Variants in KIAA1328 observed in about 807,000 individuals in gnomAD.
The protein encoded by KIAA1328 is protein hinderin.
Under a neutral mutation model 68.1 loss-of-function variants are expected in KIAA1328, and 52 were observed. The ratio of observed to expected loss-of-function variants is 0.76; its 90% CI spans 0.61 to 0.96. The LOEUF (loss-of-function observed/expected upper bound fraction) is 0.96, where lower values mean the gene tolerates loss of function less well. Ranked by LOEUF, KIAA1328 falls within the 40% of genes least tolerant of loss-of-function variation. The pLI, the probability that KIAA1328 is intolerant of heterozygous loss-of-function variation, is 0.00. For missense variants in KIAA1328, 641 were observed against 677.6 expected, an observed-to-expected ratio of 0.95 and a Z score of 0.60; for synonymous variants, 232 against 239.4, an observed-to-expected ratio of 0.97 and a Z score of 0.28.
chr18:37,063,968 A>G (rs2056250036), intron 6 of KIAA1328, among the ~76,000 whole-genome samples: 1 of 152,164 alleles, frequency 6.6e-6, no homozygotes, highest in Non-Finnish European at 1.5e-5. Flanking sequence ...CTGACCTTTT[A>G]GTAAAAGATA....
At chr18:37,092,966 C>T (rs138972383) in intron 7 of KIAA1328, among the ~76,000 whole-genome samples, 6 of 152,294 alleles carry the variant, frequency 3.9e-5, no homozygotes, top group Middle Eastern at 3.4e-3. Flanking sequence ...CATCCAGCCA[C>T]CACCAACACT....
intron 7 of KIAA1328, among the ~76,000 whole-genome samples, chr18:37,114,992 T>A (rs1447439238): frequency 6.6e-6 from 1 of 152,176 alleles, no homozygotes; most frequent in Non-Finnish European, 1.5e-5. Flanking sequence ...AATAGACCAG[T>A]AACAGGCTCT....
chr18:36,835,377 G>A lies in KIAA1328; in HGVS notation c.237+1G>A, dbSNP rs778690356. The A allele has an allele frequency of 1.9e-6, 3 of 1,605,594 alleles. No homozygotes were observed. The highest frequency in any genetic ancestry group is 3.4e-5 in the Admixed American group (2 of 58,122). On this transcript the variant is annotated splice_donor_variant, in intron 3 of 9. Coordinates refer to ENST00000280020, the MANE Select transcript of KIAA1328 (RefSeq NM_020776.3). LOFTEE classifies it high-confidence loss of function. ...CACAGGAGATTCAGTAGATGAACAGGTTAGTATTTTTTTCGTCTTTTTTTT... is the reference window on the plus strand; with the variant it reads ...CACAGGAGATTCAGTAGATGAACAGATTAGTATTTTTTTCGTCTTTTTTTT...
chr18:36,952,727 G>A (rs1191396174), intron 5 of KIAA1328, among the ~76,000 whole-genome samples: 1 of 152,142 alleles, frequency 6.6e-6, no homozygotes, highest in East Asian at 1.9e-4. Flanking sequence ...AAGCTTGGCG[G>A]GTCTTTTTTG....
chr18:37,031,827 T>G (rs1255655013), intron 6 of KIAA1328, among the ~76,000 whole-genome samples: 1 of 152,182 alleles, frequency 6.6e-6, no homozygotes, highest in Non-Finnish European at 1.5e-5. Flanking sequence ...CTGTCTTTGT[T>G]TAATTTTTTA....
intron 6 of KIAA1328, among the ~76,000 whole-genome samples, chr18:36,999,647 C>T (rs1367840755): frequency 1.3e-5 from 2 of 152,164 alleles, no homozygotes; most frequent in South Asian, 2.1e-4. Context: ...AAAATGAAAA[C>T]CTGTCACCTG....
chr18:37,149,133 A>G (rs1367914979), intron 7 of KIAA1328, among the ~76,000 whole-genome samples: 3 of 152,210 alleles, frequency 2.0e-5, no homozygotes, highest in Non-Finnish European at 4.4e-5. Flanking sequence ...CCTAAGCAAA[A>G]AGAACAAAGC....
At chr18:37,163,856 A>C (rs1381665410) in intron 8 of KIAA1328, among the ~76,000 whole-genome samples, 2 of 152,242 alleles carry the variant, frequency 1.3e-5, no homozygotes, top group African/African-American at 4.8e-5. Context: ...GATTCCCAGA[A>C]ATCTCAGCTG....
chr18:36,989,929 G>A (rs1393792894), intron 6 of KIAA1328, among the ~76,000 whole-genome samples: 1 of 152,082 alleles, frequency 6.6e-6, no homozygotes, highest in African/African-American at 2.4e-5. Flanking sequence ...TCCTGACCTT[G>A]GGATCCGCCT....
chr18:36,964,325 T>C (rs537476898), intron 6 of KIAA1328, among the ~76,000 whole-genome samples: 148 of 152,330 alleles, frequency 9.7e-4, no homozygotes, highest in African/African-American at 3.3e-3. Flanking sequence ...AATTTTATTC[T>C]CAAATTTTTA....
chr18:37,055,825 G>A (rs529810748), intron 6 of KIAA1328, among the ~76,000 whole-genome samples: 1 of 152,244 alleles, frequency 6.6e-6, no homozygotes, highest in South Asian at 2.1e-4. Context: ...GGCTGTAAGT[G>A]GGAATATGAG....
At chr18:37,001,936 A>T (rs1221774421) in intron 6 of KIAA1328, among the ~76,000 whole-genome samples, 1 of 152,152 alleles carries the variant, frequency 6.6e-6, no homozygotes, top group Non-Finnish European at 1.5e-5. Context: ...TTTCTCTAAG[A>T]ACTGGAACAA....
At chr18:37,096,920 CGTTT>C (rs1031504661) in intron 7 of KIAA1328, among the ~76,000 whole-genome samples, 2 of 152,020 alleles carry the variant, frequency 1.3e-5, no homozygotes, top group African/African-American at 4.8e-5. Context: ...TTGTTGGGGC[CGTTT>C]GTTTTTTTCT....
chr18:37,209,044 G>A (rs976178070), intron 9 of KIAA1328, among the ~76,000 whole-genome samples: 1 of 152,126 alleles, frequency 6.6e-6, no homozygotes, highest in Non-Finnish European at 1.5e-5. Context: ...GTAAATCAGA[G>A]CACATCCAGG....
At chr18:37,181,427 A>T (rs749274407) in intron 9 of KIAA1328, among the ~76,000 whole-genome samples, 1 of 152,116 alleles carries the variant, frequency 6.6e-6, no homozygotes, top group Non-Finnish European at 1.5e-5. Flanking sequence ...AATAGAATGC[A>T]TGGAAATTCT....
At chr18:37,076,511 C>A (rs1243011396) in intron 7 of KIAA1328, among the ~76,000 whole-genome samples, 1 of 151,662 alleles carries the variant, frequency 6.6e-6, no homozygotes, top group Non-Finnish European at 1.5e-5. Flanking sequence ...AATAGAGACA[C>A]AAAAAACCCT....
chr18:36,849,146 T>A (rs1368338120), intron 4 of KIAA1328, among the ~76,000 whole-genome samples: 1 of 151,936 alleles, frequency 6.6e-6, no homozygotes, highest in Non-Finnish European at 1.5e-5. Flanking sequence ...TTCTTTCATC[T>A]TCTGTGAAAC....
chr18:36,842,558 G>C (rs1393301885), intron 3 of KIAA1328, among the ~76,000 whole-genome samples: 1 of 152,020 alleles, frequency 6.6e-6, no homozygotes, highest in Admixed American at 6.6e-5. Flanking sequence ...ATAGCTACCA[G>C]TACCTCTAGA....
At chr18:36,964,891 CTT>C (rs78746926) in intron 6 of KIAA1328, among the ~76,000 whole-genome samples, 13 of 144,950 alleles carry the variant, frequency 9.0e-5, no homozygotes, top group South Asian at 2.2e-4. Context: ...TGTGTTACTT[CTT>C]TTTTTTTTTT....
Sources: allele counts gnomAD v4.1 joint callset (sites outside exome capture counted in the v4.1 genomes callset), GRCh38; gene constraint gnomAD v4.1.1; transcripts MANE v1.5; gene names NCBI Gene and HGNC (gene_info 2026-07-23, HGNC 2026-07-21).